Variants in CD163L1 observed in about 807,000 individuals in gnomAD.
The protein encoded by CD163L1 is scavenger receptor cysteine-rich type 1 protein M160.
A neutral mutation model predicts 165.4 loss-of-function variants in CD163L1; 124 were observed. The ratio of observed to expected loss-of-function variants is 0.75; its 90% CI spans 0.65 to 0.87. The LOEUF is 0.87. CD163L1 is among the 40% of genes least tolerant of loss of function. The probability of loss-of-function intolerance (pLI) is 0.00; values close to 1 mark genes in which losing one functional copy is unlikely to be tolerated. For synonymous variants in CD163L1, 585 were observed against 662.2 expected (o/e 0.88, Z 1.79); for missense variants, 1,525 against 1,799.9 (o/e 0.85, Z 2.76).
rs184994071 is a variant in CD163L1 at position 7,423,656 on chromosome 12, G to A, written c.766+8760C>T. Among the ~76,000 whole-genome samples the A allele has an allele frequency of 1.4e-4, 22 of 152,190 alleles. No individual in the cohort carries two copies. The East Asian group carries it at 4.2e-3, about 29-fold the overall frequency. On this transcript the variant is annotated intron_variant, in intron 4 of 19. Transcript: ENST00000313599. ...AAATGATAAAGGGGATATCACCACT[G>A]ATCCCACAGAAATACAAACTACCGT...
intron 4 of CD163L1, among the ~76,000 whole-genome samples, chr12:7,415,827 G>A (rs985798827): frequency 2.0e-5 from 3 of 152,176 alleles, no homozygotes; most frequent in Non-Finnish European, 4.4e-5. Flanking sequence ...GTCTATCATT[G>A]ATGGGCATTT....
In CD163L1 at chr12:7,396,096, A is replaced by G. The variant is rs1947766698; in HGVS notation, c.2049T>C (p.Ser683=). 6.2e-7 allele frequency: 1 copy of G among 1,609,568 alleles called. No homozygotes were observed. The highest frequency in any genetic ancestry group is 8.5e-7 in the Non-Finnish European group (1 of 1,177,472). Residue 683 remains serine (S), a splice_region_variant and synonymous_variant, in exon 8 of 20, where the codon TCT becomes TCC. Coordinates refer to ENST00000313599, the MANE Select transcript of CD163L1 (RefSeq NM_174941.6). ...GAAGCCCTGGTTTGGGTATCTTACC[A>G]GAACAGATCACTCCAACATCTTCAC... ...SHSEDVGVIC[S]DASDMELRLV... is the part of the protein sequence containing the mutation.
chr12:7,440,313 C>T (rs1317412675), intron 2 of CD163L1, among the ~76,000 whole-genome samples: 1 of 151,462 alleles, frequency 6.6e-6, no homozygotes, highest in African/African-American at 2.4e-5. Flanking sequence ...CGCGCCCGGG[C>T]AGGGACCTGG....
At chr12:7,387,436 C>G (rs1947542932) in intron 8 of CD163L1, among the ~76,000 whole-genome samples, 1 of 152,142 alleles carries the variant, frequency 6.6e-6, no homozygotes. Context: ...TTTGCCCCTC[C>G]AAATCTCATG....
chr12:7,421,484 C>CATATATACATATATACACACATATGT lies in CD163L1; in HGVS notation c.766+10931_766+10932insACATATGTGTGTATATATGTATATAT, dbSNP rs1555202376. Among the ~76,000 whole-genome samples, 19 of 100,352 alleles carry CATATATACATATATACACACATATGT rather than the reference C, an allele frequency of 1.9e-4. 1 individual carries two copies. Among genetic ancestry groups the CATATATACATATATACACACATATGT allele is most frequent in the South Asian group, 1.4e-3 (4 of 2,928 alleles). The allele number at this position is 100,352 out of a possible 152,430, so 65.8% of individuals were successfully genotyped here. Reference sequence around the variant, plus strand: ...ATATACATATATATACATATATGTACATATATACATATATGTACATATACA... The same window carrying CATATATACATATATACACACATATGT: ...ATATACATATATATACATATATGTACATATATACATATATACACACATATGTATATATACATATATGTACATATACA... On this transcript the variant is annotated intron_variant, in intron 4 of 19. Coordinates refer to ENST00000313599, the MANE Select transcript of CD163L1 (RefSeq NM_174941.6).
At chr12:7,321,097 A>G in the CD163L1 span, among the ~76,000 whole-genome samples, 1 of 152,152 alleles carries the variant, frequency 6.6e-6, no homozygotes, top group Non-Finnish European at 1.5e-5. Context: ...TCCCTAGTCT[A>G]AGAACCACTG....
At chr12:7,330,991 G>A in the CD163L1 span, among the ~76,000 whole-genome samples, 3 of 152,212 alleles carry the variant, frequency 2.0e-5, no homozygotes, top group African/African-American at 4.8e-5. Flanking sequence ...GCGAGGCATC[G>A]CCTCACCCAG....
At chr12:7,404,951 A>T (rs1947988241) in intron 5 of CD163L1, among the ~76,000 whole-genome samples, 1 of 152,150 alleles carries the variant, frequency 6.6e-6, no homozygotes, top group South Asian at 2.1e-4. Flanking sequence ...TAAACTGTGA[A>T]ACTGTGAACT....
At position 7,433,384 on chromosome 12, in the gene CD163L1, C is replaced by A; in HGVS notation, c.435G>T (p.Val145=). ...HNCYHGEDVG[V]NCYGEANLGL... is the part of the protein sequence containing the mutation. ...TAGTTAGACTCTTACCATAACAGTT[C>A]ACACCAACATCTTCTCCATGATAAC... Residue 145 remains valine, a synonymous_variant, in exon 3 of 20, where the codon GTG becomes GTT. Transcript: ENST00000313599. The A allele has an allele frequency of 1.3e-6, 2 of 1,589,568 alleles. No individual in the cohort carries two copies. The highest frequency in any genetic ancestry group is 2.4e-5 in the South Asian group (2 of 84,636).
At chr12:7,359,554 A>C (rs1480264374) in intron 18 of CD163L1, among the ~76,000 whole-genome samples, 1 of 152,162 alleles carries the variant, frequency 6.6e-6, no homozygotes, top group Non-Finnish European at 1.5e-5. Flanking sequence ...TTCTCAGACA[A>C]ATAAAAATTG....
At chr12:7,336,477 G>A in the CD163L1 span, among the ~76,000 whole-genome samples, 8 of 152,138 alleles carry the variant, frequency 5.3e-5, no homozygotes, top group Non-Finnish European at 1.2e-4. Flanking sequence ...ATGGACACAG[G>A]AAGGGGAACA....
At chr12:7,367,502 C>T in intron 17 of CD163L1, 171 bp from the exon 18 acceptor site, 2 of 473,750 alleles carry the variant, frequency 4.2e-6, no homozygotes, top group South Asian at 3.5e-5. Flanking sequence ...AATTTATCCT[C>T]CTTTTTCTCC....
intron 18 of CD163L1, among the ~76,000 whole-genome samples, chr12:7,360,608 GA>G (rs1946872228): frequency 6.6e-6 from 1 of 151,864 alleles, no homozygotes; most frequent in Non-Finnish European, 1.5e-5. Context: ...GTGATTTTTT[GA>G]AAAATTTTCA....
chr12:7,434,183 T>C (rs1044419626), intron 2 of CD163L1, among the ~76,000 whole-genome samples: 6 of 152,206 alleles, frequency 3.9e-5, no homozygotes, highest in African/African-American at 1.4e-4. Context: ...TTTTGAGTAT[T>C]TATATCCTCA....
intron 8 of CD163L1, 139 bp from the exon 9 acceptor site, chr12:7,379,437 A>G: frequency 2.6e-6 from 2 of 772,176 alleles, no homozygotes; most frequent in East Asian, 2.7e-5. Context: ...CCAGTGTTTA[A>G]TTTTATTTTT....
At position 7,433,457 on chromosome 12, in the gene CD163L1, T is replaced by C; in HGVS notation, c.362A>G (p.Glu121Gly). 3 of 1,614,066 alleles carry C rather than the reference T, an allele frequency of 1.9e-6. No homozygotes were observed. Among genetic ancestry groups the C allele is most frequent in the Non-Finnish European group, 2.5e-6 (3 of 1,179,948 alleles). Residue 121 changes from glutamate to glycine, a missense_variant, in exon 3 of 20, where the codon GAG (glutamate) becomes GGG (glycine). Physicochemically the swap from Glu to Gly is moderately conservative, Grantham distance 98. Coordinates refer to ENST00000313599, the MANE Select transcript of CD163L1 (RefSeq NM_174941.6). ...WLDDVSCYGN[E>G]SALWECQHRE... ...GTGTTGACATTCCCAGAGAGCTGAC[T>C]CATTTCCATAACAGGAAACATCATC...
chr12:7,362,323 TATAAA>T (rs1255574596), intron 18 of CD163L1, among the ~76,000 whole-genome samples: 4 of 139,322 alleles, frequency 2.9e-5, no homozygotes, highest in African/African-American at 1.1e-4. Flanking sequence ...TATTAAATTA[TATAAA>T]ATAAAATATG....
At chr12:7,404,792 C>T (rs1315098404) in intron 5 of CD163L1, among the ~76,000 whole-genome samples, 1 of 152,056 alleles carries the variant, frequency 6.6e-6, no homozygotes, top group African/African-American at 2.4e-5. Context: ...TCAACCTATA[C>T]CTGTTGAGAA....
At chr12:7,403,404 G>T (rs1394651121) in intron 6 of CD163L1, 131 bp downstream of exon 6, 7 of 818,456 alleles carry the variant, frequency 8.6e-6, no homozygotes, top group Admixed American at 3.0e-5. Context: ...AGTTCTTTGT[G>T]CAGCTTAAGA....
Sources: gnomAD v4.1 joint callset for allele counts (sites outside exome capture counted in the v4.1 genomes callset) on GRCh38, gnomAD v4.1.1 for gene constraint, MANE v1.5 for transcripts, NCBI Gene and HGNC (gene_info 2026-07-23, HGNC 2026-07-21) for gene names.